The following COL24A1 variants were observed in gnomAD, a reference collection of about 807,000 sequenced individuals.
The protein encoded by COL24A1 is collagen type XXIV alpha 1 chain.
COL24A1 carries 224 observed loss-of-function variants against 253.9 expected under a neutral mutation model. The observed-to-expected ratio is 0.88, with a 90% CI of 0.79 to 0.99. The LOEUF (loss-of-function observed/expected upper bound fraction) is 0.99, where lower values mean the gene tolerates loss of function less well. Among genes scored for constraint, COL24A1 ranks in the 50% least tolerant of loss-of-function variants. COL24A1 has a pLI of 0.00. For missense variants in COL24A1, 2,131 were observed against 2,068.5 expected, an observed-to-expected ratio of 1.03 and a Z score of -0.59; for synonymous variants, 685 against 673.7, an observed-to-expected ratio of 1.02 and a Z score of -0.26.
At chr1:86,124,240 T>C (rs2102257213) in intron 3 of COL24A1, among the ~76,000 whole-genome samples, 1 of 151,890 alleles carries the variant, frequency 6.6e-6, no homozygotes, top group Admixed American at 6.6e-5. Flanking sequence ...TTCCCCTCAC[T>C]GAATTGACTG....
intron 3 of COL24A1, among the ~76,000 whole-genome samples, chr1:86,119,555 T>G (rs1455686425): frequency 6.6e-6 from 1 of 152,134 alleles, no homozygotes; most frequent in Non-Finnish European, 1.5e-5. Flanking sequence ...TGAGACAGCC[T>G]GTGATACAAA....
chr1:86,050,151 C>T lies in COL24A1; in HGVS notation c.1878G>A (p.Ala626=), dbSNP rs200171958. The change falls in exon 11 of 60, where the codon GCG becomes GCA. Residue 626 remains alanine, a synonymous_variant. Coordinates refer to ENST00000370571, the MANE Select transcript of COL24A1 (RefSeq NM_152890.7). The part of the protein sequence containing the change: ...AQGFIGSPGE[A]GQLGPEGERG... ...GTTCTCCTTCAGGTCCCAGTTGTCC[C>T]GCTTCTCCAGGAGAGCCAATAAAAC... 50 of 1,613,310 alleles carry T rather than the reference C, an allele frequency of 3.1e-5. No individual in the cohort carries two copies. In the Admixed American group the frequency reaches 5.0e-4, roughly 16 times the overall value.
intron 5 of COL24A1, among the ~76,000 whole-genome samples, chr1:86,102,736 C>T (rs974017487): frequency 9.2e-5 from 14 of 152,090 alleles, no homozygotes; most frequent in South Asian, 2.1e-4. Flanking sequence ...TTGCTGTAGT[C>T]CAAGAGAGTG....
intron 55 of COL24A1, among the ~76,000 whole-genome samples, chr1:85,760,385 C>T (rs1294528113): frequency 6.6e-6 from 1 of 152,078 alleles, no homozygotes; most frequent in East Asian, 1.9e-4. Context: ...GAGAGTTTCC[C>T]TCCATGTTAG....
At chr1:85,875,242 G>C in intron 34 of COL24A1, 35 bp downstream of exon 34, 3 of 1,590,622 alleles carry the variant, frequency 1.9e-6, no homozygotes, top group Non-Finnish European at 2.6e-6. Flanking sequence ...AATGGTGAAA[G>C]TTTAGAGATT....
At chr1:86,140,636 G>C (rs1201007364) in intron 2 of COL24A1, among the ~76,000 whole-genome samples, 6 of 152,228 alleles carry the variant, frequency 3.9e-5, no homozygotes, top group Non-Finnish European at 8.8e-5. Flanking sequence ...TAGGGATCAT[G>C]AACCTGAGAA....
At chr1:86,038,043 C>G (rs1001621037) in intron 12 of COL24A1, among the ~76,000 whole-genome samples, 1 of 151,940 alleles carries the variant, frequency 6.6e-6, no homozygotes, top group African/African-American at 2.4e-5. Context: ...CTTTATCATT[C>G]CAGCATTTTA....
At chr1:85,893,736 T>C (rs12726975) in intron 31 of COL24A1, among the ~76,000 whole-genome samples, 33,852 of 152,084 alleles carry the variant, frequency 0.22, 4,116 homozygotes, top group African/African-American at 0.26. Flanking sequence ...GGCTTAAAAT[T>C]ATGAAAATTT....
At chr1:85,946,717 T>C (rs1344429958) in intron 24 of COL24A1, among the ~76,000 whole-genome samples, 1 of 152,220 alleles carries the variant, frequency 6.6e-6, no homozygotes, top group African/African-American at 2.4e-5. Flanking sequence ...AAATATATCT[T>C]ACCTCAAAAC....
At chr1:85,778,804 A>G (rs1247489960) in intron 52 of COL24A1, among the ~76,000 whole-genome samples, 2 of 151,852 alleles carry the variant, frequency 1.3e-5, no homozygotes, top group Non-Finnish European at 2.9e-5. Context: ...AAGTTTCACC[A>G]TGTTGGCCAG....
In COL24A1 at chr1:86,125,538, T is replaced by C; in HGVS notation, c.798A>G (p.Glu266=). 6.2e-7 allele frequency: 1 copy of C among 1,613,638 alleles called. No homozygotes were observed. The change falls in exon 3 of 60, where the codon GAA becomes GAG. Residue 266 remains glutamate, a synonymous_variant. Coordinates refer to ENST00000370571, the MANE Select transcript of COL24A1 (RefSeq NM_152890.7). ...CTTLIPTKIP[E]HSPPPKLFAE... ...CAAATAGTTTGGGCGGGGGAGAGTG[T>C]TCCGGTATCTTTGTTGGTATGAGAG...
At position 85,908,629 on chromosome 1, in the gene COL24A1, A is replaced by G; in HGVS notation, c.2693T>C (p.Val898Ala). The G allele has an allele frequency of 6.8e-7, 1 of 1,465,056 alleles. No homozygotes were observed. Among genetic ancestry groups the G allele is most frequent in the African/African-American group, 1.4e-5 (1 of 69,344 alleles). 90.8% of individuals were successfully genotyped at this position (1,465,056 alleles called of 1,614,324 possible). A position where few individuals can be genotyped will look rare whatever the true frequency, so the allele number is the denominator to read the frequency against. The stretch of plus-strand genomic sequence containing the variant: ...TCCCAATGGACCGATAGGTCCTGGA[A>G]CCCCAGGAGGACCTGGATATCCCTA... ...GVMGYPGPPG[V>A]PGPIGPLGLP... Residue 898 changes from valine (V) to alanine (A), a missense_variant, in exon 27 of 60, where the codon GTT becomes GCT. Physicochemically the swap from Val to Ala is moderately conservative, Grantham distance 64 (BLOSUM62 0). Coordinates refer to ENST00000370571, the MANE Select transcript of COL24A1 (RefSeq NM_152890.7).
At chr1:85,973,670 G>A (rs1692394150) in intron 20 of COL24A1, among the ~76,000 whole-genome samples, 3 of 152,106 alleles carry the variant, frequency 2.0e-5, no homozygotes, top group South Asian at 2.1e-4. Flanking sequence ...ACGGCTGACC[G>A]GTTAAAGGGA....
At chr1:86,005,957 A>T (rs1695913022) in intron 19 of COL24A1, among the ~76,000 whole-genome samples, 1 of 152,156 alleles carries the variant, frequency 6.6e-6, no homozygotes. Flanking sequence ...AACACAATAC[A>T]GCACCAACTG....
intron 24 of COL24A1, among the ~76,000 whole-genome samples, chr1:85,937,462 G>GCCT (rs1688338164): frequency 6.8e-6 from 1 of 147,748 alleles, no homozygotes; most frequent in Non-Finnish European, 1.5e-5. Context: ...CACGAAGTGT[G>GCCT]AAGATCTTTG....
intron 11 of COL24A1, 61 bp downstream of exon 11, chr1:86,050,063 C>A (rs1331676330): frequency 1.4e-6 from 2 of 1,438,290 alleles, no homozygotes; most frequent in African/African-American, 2.8e-5. Context: ...TTTATGACCC[C>A]CATTGTACAT....
intron 24 of COL24A1, among the ~76,000 whole-genome samples, chr1:85,916,283 G>T (rs1685888340): frequency 6.6e-6 from 1 of 151,924 alleles, no homozygotes; most frequent in Admixed American, 6.6e-5. Context: ...TATACTATCT[G>T]CCTGGTCCCA....
chr1:85,902,055 G>A (rs1684369664), intron 28 of COL24A1, among the ~76,000 whole-genome samples: 1 of 152,144 alleles, frequency 6.6e-6, no homozygotes, highest in African/African-American at 2.4e-5. Context: ...TAGGAACATG[G>A]ATGGAACTGG....
chr1:86,135,956 T>C, intron 2 of COL24A1, among the ~76,000 whole-genome samples: 1 of 152,086 alleles, frequency 6.6e-6, no homozygotes, highest in Non-Finnish European at 1.5e-5. Flanking sequence ...GAGGATGGGC[T>C]GTGACTTCCA....
Sources: allele counts gnomAD v4.1 joint callset (sites outside exome capture counted in the v4.1 genomes callset), GRCh38; gene constraint gnomAD v4.1.1; transcripts MANE v1.5; gene names NCBI Gene and HGNC (gene_info 2026-07-23, HGNC 2026-07-21).